JPH3: variants seen among roughly 807,000 people sequenced by gnomAD.
JPH3 encodes junctophilin 3.
JPH3 carries 11 observed loss-of-function variants against 59.6 expected under a neutral mutation model. The observed-to-expected ratio is 0.18, with a 90% confidence interval of 0.12 to 0.31. JPH3 has a LOEUF of 0.31. JPH3 is among the 10% of genes least tolerant of loss of function. The probability of loss-of-function intolerance (pLI) is 1.00; values close to 1 mark genes in which losing one functional copy is unlikely to be tolerated. For missense variants in JPH3, 1,202 were observed against 1,105.7 expected, an observed-to-expected ratio of 1.09 and a Z score of -1.24; for synonymous variants, 673 against 483.6, an observed-to-expected ratio of 1.39 and a Z score of -5.14.
intron 1 of JPH3, among the ~76,000 whole-genome samples, chr16:87,622,516 G>A (rs2031221565): frequency 7.4e-6 from 1 of 135,986 alleles, no homozygotes; most frequent in Non-Finnish European, 1.7e-5. Flanking sequence ...AGCAGCAGCT[G>A]TGGCAGGGCC....
chr16:87,635,262 C>G (rs1433227467), intron 1 of JPH3, among the ~76,000 whole-genome samples: 1 of 152,176 alleles, frequency 6.6e-6, no homozygotes, highest in Non-Finnish European at 1.5e-5. Flanking sequence ...CTGTCCATGG[C>G]CCTGAGGAGG....
At chr16:87,650,925 T>A (rs2032307212) in intron 2 of JPH3, among the ~76,000 whole-genome samples, 1 of 152,198 alleles carries the variant, frequency 6.6e-6, no homozygotes, top group African/African-American at 2.4e-5. Context: ...CTAAACAGAT[T>A]TTCAGTGTCG....
chr16:87,653,592 C>T (rs968140338), intron 2 of JPH3: 1 of 152,176 alleles, frequency 6.6e-6, no homozygotes, highest in African/African-American at 2.4e-5. Context: ...AAAATTATAA[C>T]ACAGCCTCGT....
Position 87,689,706 on chromosome 16 carries a change from C to T in JPH3, c.1346C>T (p.Thr449Ile), listed in dbSNP as rs760036622. 2.5e-6 allele frequency: 4 copies of T among 1,612,372 alleles called. No homozygotes were observed. The African/African-American group carries it at 4.0e-5, about 16-fold the overall frequency. Residue 449 changes from threonine (T) to isoleucine (I), a missense_variant, in exon 4 of 5, where the codon ACC (threonine) becomes ATC (isoleucine). Coordinates refer to ENST00000284262, the MANE Select transcript of JPH3 (RefSeq NM_020655.4). Reference sequence around the variant, plus strand: ...TGTGACGACATCGAGGTGCTGTCCACCGGGACACCCCTGCAGCAGGAGAGC... The same window carrying T: ...TGTGACGACATCGAGGTGCTGTCCATCGGGACACCCCTGCAGCAGGAGAGC... ...TSCDDIEVLSTGTPLQQESPE... is the reference protein window; with the variant it reads ...TSCDDIEVLSIGTPLQQESPE...
At position 87,666,661 on chromosome 16, in the gene JPH3, G is replaced by A. The variant is rs886274839; in HGVS notation, c.1161-17481G>A. On this transcript the variant is annotated intron_variant, in intron 2 of 4. Transcript: ENST00000284262. The stretch of plus-strand genomic sequence containing the variant: ...CAGAGAGGGGCTGGCCTGGTGCTCT[G>A]GGTTCTCCAGACCCCCTCCTGCCTT... Among the ~76,000 whole-genome samples the A allele has an allele frequency of 4.6e-5, 7 of 152,306 alleles. No individual in the cohort carries two copies. The South Asian group carries it at 6.2e-4, about 14-fold the overall frequency.
At chr16:87,660,841 C>T (rs1188938229) in intron 2 of JPH3, among the ~76,000 whole-genome samples, 1 of 152,180 alleles carries the variant, frequency 6.6e-6, no homozygotes, top group Non-Finnish European at 1.5e-5. Context: ...CCCATGCCAT[C>T]CAGGACACAT....
At chr16:87,676,232 A>G (rs1201445376) in intron 2 of JPH3, among the ~76,000 whole-genome samples, 1 of 152,212 alleles carries the variant, frequency 6.6e-6, no homozygotes, top group Non-Finnish European at 1.5e-5. Context: ...CAGAATCCCT[A>G]TCAGAGCAAG....
intron 2 of JPH3, among the ~76,000 whole-genome samples, chr16:87,655,346 TGTG>T (rs2032462493): frequency 2.0e-5 from 1 of 49,844 alleles, no homozygotes; most frequent in African/African-American, 8.0e-5. Flanking sequence ...TTTTATTTTT[TGTG>T]ACAGGGTGTT....
At chr16:87,629,658 C>G (rs1212221361) in intron 1 of JPH3, among the ~76,000 whole-genome samples, 2 of 121,528 alleles carry the variant, frequency 1.6e-5, no homozygotes, top group African/African-American at 6.3e-5. Context: ...GAGACAGTGA[C>G]AAGATCATTG....
intron 2 of JPH3, among the ~76,000 whole-genome samples, chr16:87,649,536 G>T (rs955280288): frequency 6.6e-6 from 1 of 152,210 alleles, no homozygotes; most frequent in East Asian, 1.9e-4. Context: ...GAATCGGAAT[G>T]TAAATGTGTC....
intron 2 of JPH3, among the ~76,000 whole-genome samples, chr16:87,647,862 A>G (rs956461330): frequency 4.6e-5 from 7 of 152,220 alleles, no homozygotes; most frequent in Non-Finnish European, 1.0e-4. Flanking sequence ...TCAAAGGGGC[A>G]CTAGGAACTG....
chr16:87,627,052 C>A (rs2031403506), intron 1 of JPH3, among the ~76,000 whole-genome samples: 1 of 152,242 alleles, frequency 6.6e-6, no homozygotes, highest in South Asian at 2.1e-4. Flanking sequence ...CTGGGAAGCT[C>A]TTAAAAGCCT....
At chr16:87,613,941 C>G (rs1314485141) in intron 1 of JPH3, among the ~76,000 whole-genome samples, 1 of 152,186 alleles carries the variant, frequency 6.6e-6, no homozygotes, top group Admixed American at 6.5e-5. Flanking sequence ...AAACTTGTTT[C>G]TGGCCGCAGA....
At position 87,689,828 on chromosome 16, in the gene JPH3, C is replaced by T. The variant is rs770263316; in HGVS notation, c.1468C>T (p.Pro490Ser). The change falls in exon 4 of 5, where the codon CCC (proline) becomes TCC (serine). Residue 490 changes from proline to serine, a missense_variant. By Grantham distance (74) the Pro-to-Ser change is moderately conservative (BLOSUM62 -1). Transcript: ENST00000284262. ...FPTSPAATPPPAPAARNKVAH... is the reference protein window; with the variant it reads ...FPTSPAATPPSAPAARNKVAH... Reference sequence around the variant, plus strand: ...CACCAGCCCCGCGGCCACCCCGCCGCCCGCGCCCGCCGCCAGGAACAAGGT... The same window carrying T: ...CACCAGCCCCGCGGCCACCCCGCCGTCCGCGCCCGCCGCCAGGAACAAGGT... 12 of 1,550,930 alleles carry T rather than the reference C, an allele frequency of 7.7e-6. No homozygotes were observed. The Admixed American group carries it at 2.3e-4, about 30-fold the overall frequency.
chr16:87,690,285 A>T lies in JPH3; in HGVS notation c.1925A>T (p.Asp642Val). Residue 642 changes from aspartate (D) to valine (V), a missense_variant, in exon 4 of 5, where the codon GAC becomes GTC. Transcript: ENST00000284262. Reference protein sequence around the residue: ...KGGACRGLGDDHRPEDRGFGV... With the variant: ...KGGACRGLGDVHRPEDRGFGV... ...GGCGCCTGCCGGGGCTTGGGGGACG[A>T]CCACCGCCCCGAGGACCGGGGCTTC... is the stretch of plus-strand genomic sequence containing the variant. 5 of 1,599,656 alleles carry T rather than the reference A, an allele frequency of 3.1e-6. No individual in the cohort carries two copies. The South Asian group carries it at 5.6e-5, about 18-fold the overall frequency.
intron 2 of JPH3, chr16:87,683,811 G>T: frequency 7.8e-6 from 2 of 255,754 alleles, no homozygotes; most frequent in Non-Finnish European, 1.5e-5. Context: ...TTGCCATGTT[G>T]CCCAGGCTGG....
intron 2 of JPH3, among the ~76,000 whole-genome samples, chr16:87,670,560 T>G (rs184232426): frequency 6.2e-4 from 94 of 152,350 alleles, no homozygotes; most frequent in Non-Finnish European, 2.2e-4. Flanking sequence ...TCCAAGCCCA[T>G]GCCTGGGCTG....
At chr16:87,693,564 A>C (rs1178455626) in intron 4 of JPH3, 1 of 152,246 alleles carries the variant, frequency 6.6e-6, no homozygotes, top group Non-Finnish European at 1.5e-5. Context: ...AATTCCAGCT[A>C]CTCAGGAGGC....
intron 2 of JPH3, among the ~76,000 whole-genome samples, chr16:87,665,079 C>G (rs1250081807): frequency 3.3e-5 from 5 of 152,252 alleles, no homozygotes; most frequent in Non-Finnish European, 7.3e-5. Flanking sequence ...GGCCCTCTTC[C>G]TTGCCGGAGC....
Sources: gnomAD v4.1 joint callset for allele counts (sites outside exome capture counted in the v4.1 genomes callset) on GRCh38, gnomAD v4.1.1 for gene constraint, MANE v1.5 for transcripts, NCBI Gene and HGNC (gene_info 2026-07-23, HGNC 2026-07-21) for gene names.